Variants in HOXC13 observed in about 807,000 individuals in gnomAD.
The protein encoded by HOXC13 is homeobox protein Hox-C13.
HOXC13 carries 10 observed loss-of-function variants against 25.9 expected under a neutral mutation model. The observed-to-expected ratio is 0.39, with a 90% CI of 0.24 to 0.65. HOXC13 has a LOEUF of 0.65. HOXC13 is among the 30% of genes least tolerant of loss of function. The pLI, the probability that HOXC13 is intolerant of heterozygous loss-of-function variation, is 0.50. For missense variants in HOXC13, 439 were observed against 478.3 expected (o/e 0.92, Z 0.77); for synonymous variants, 233 against 217.1 (o/e 1.07, Z -0.64).
intron 1 of HOXC13, among the ~76,000 whole-genome samples, chr12:53,943,478 AT>A (rs762894707): frequency 6.6e-6 from 1 of 152,206 alleles, no homozygotes; most frequent in African/African-American, 2.4e-5. Context: ...TGTTTTTTAG[AT>A]TTTTTTAAAT....
Position 53,938,937 on chromosome 12 carries a change from T to G in HOXC13, c.31T>G (p.Trp11Gly). 6.4e-7 allele frequency: 1 copy of G among 1,559,542 alleles called. No individual in the cohort carries two copies. The highest frequency in any genetic ancestry group is 8.6e-7 in the Non-Finnish European group (1 of 1,159,884). MTTSLLLHPR[W>G]PESLMYVYED... ...GACTTCGCTGCTCCTGCATCCACGC[T>G]GGCCGGAGAGCCTTATGTACGTCTA... The change falls in exon 1 of 2, where the codon TGG becomes GGG. Residue 11 changes from tryptophan to glycine, a missense_variant. Transcript: ENST00000243056.
chr12:53,941,484 G>A (rs1561987), intron 1 of HOXC13, among the ~76,000 whole-genome samples: 87,624 of 152,118 alleles, frequency 0.58, 28,212 homozygotes, highest in East Asian at 0.8. Flanking sequence ...GTATGAATGT[G>A]GTGTGGAGTA....
chr12:53,943,548 A>G lies in HOXC13; in HGVS notation c.737-1452A>G, dbSNP rs535183054. 5.9e-5 allele frequency among the ~76,000 whole-genome samples: 9 copies of G among 152,164 alleles called. No individual in the cohort carries two copies. In the South Asian group the frequency reaches 1.7e-3, roughly 28 times the overall value. ...CCAGGTCCAACAGTTTTCCTGAGAA[A>G]TTGTCACCAGAAGACAGTCAAATGA... On this transcript the variant is annotated intron_variant, in intron 1 of 1. Transcript: ENST00000243056.
At chr12:53,944,513 A>G (rs1345433052) in intron 1 of HOXC13, among the ~76,000 whole-genome samples, 1 of 152,136 alleles carries the variant, frequency 6.6e-6, no homozygotes, top group East Asian at 1.9e-4. Context: ...AAGCGATCTA[A>G]CTGCAGGAAG....
intron 1 of HOXC13, among the ~76,000 whole-genome samples, chr12:53,944,383 AGACTCATCT>A (rs1483543282): frequency 6.6e-6 from 1 of 152,176 alleles, no homozygotes; most frequent in African/African-American, 2.4e-5. Context: ...AAAGGCGTGA[AGACTCATCT>A]GGTGGTCTGG....
chr12:53,943,452 TTAAA>T (rs1361200958), intron 1 of HOXC13, among the ~76,000 whole-genome samples: 1 of 152,256 alleles, frequency 6.6e-6, no homozygotes, highest in Admixed American at 6.5e-5. Flanking sequence ...TCCATACTGT[TTAAA>T]TAAAGTTATT....
intron 1 of HOXC13, among the ~76,000 whole-genome samples, chr12:53,941,861 A>G (rs1238650819): frequency 6.6e-6 from 1 of 152,214 alleles, no homozygotes; most frequent in African/African-American, 2.4e-5. Flanking sequence ...CCATCTTTCT[A>G]CCCACTCAGA....
chr12:53,939,625 G>A lies in HOXC13; in HGVS notation c.719G>A (p.Trp240Ter). ...GAGCAGTCGCAGTCCGCCCACCTCT[G>A]GAAGTCTCCCTTCCCAGGTAAGGAA... is the stretch of plus-strand genomic sequence containing the variant. The part of the protein sequence containing the change: ...SKEQSQSAHL[W>*]KSPFPDVVPL... Residue 240 changes from tryptophan (W) to a stop codon, truncating the protein, a stop_gained, in exon 1 of 2, where the codon TGG (tryptophan) becomes TAG (stop). Coordinates refer to ENST00000243056, the MANE Select transcript of HOXC13 (RefSeq NM_017410.3). LOFTEE classifies it high-confidence loss of function. This position sits in a 1 kb window ranked among gnomAD's most constrained non-coding sequence, Gnocchi z 6.7. 6.6e-7 allele frequency: 1 copy of A among 1,512,948 alleles called. No individual in the cohort carries two copies. Among genetic ancestry groups the A allele is most frequent in the Non-Finnish European group, 8.9e-7 (1 of 1,125,564 alleles). The allele number at this position is 1,512,948 out of a possible 1,614,324, so 93.7% of individuals were successfully genotyped here. A position where few individuals can be genotyped will look rare whatever the true frequency, so the allele number is the denominator to read the frequency against.
In HOXC13 at chr12:53,942,154, C is replaced by CTTT. The variant is rs56678098; in HGVS notation, c.736+2547_736+2549dup. ...TTTTTCTCCCTACGGTGAGTGTAGA[C>CTTT]TTTTTTTTTTTTTTTTTTTTTTTTT... On this transcript the variant is annotated intron_variant, in intron 1 of 1. Coordinates refer to ENST00000243056, the MANE Select transcript of HOXC13 (RefSeq NM_017410.3). Among the ~76,000 whole-genome samples, 6 of 39,312 alleles carry CTTT rather than the reference C, an allele frequency of 1.5e-4. 2 individuals carry two copies. The highest frequency in any genetic ancestry group is 5.9e-4 in the African/African-American group (5 of 8,542). The allele number at this position is 39,312 out of a possible 152,430, so 25.8% of individuals were successfully genotyped here.
Position 53,945,678 on chromosome 12 carries a change from A to G in HOXC13, c.*422A>G, listed in dbSNP as rs569128910. On this transcript the variant is annotated 3_prime_UTR_variant, in exon 2 of 2. Transcript: ENST00000243056. This position sits in a 1 kb window ranked among gnomAD's most constrained non-coding sequence, Gnocchi z 4.4. ...ACCAGGCTTTTAGAGGACCTTCCCT[A>G]AGGGCGCAGCTTCGGAGCAGGATCT... 35 of 290,954 alleles carry G rather than the reference A, an allele frequency of 1.2e-4. No individual in the cohort carries two copies. In the South Asian group the frequency reaches 3.1e-3, roughly 26 times the overall value. 18.0% of individuals were successfully genotyped at this position (290,954 alleles called of 1,614,324 possible).
intron 1 of HOXC13, among the ~76,000 whole-genome samples, chr12:53,944,050 T>C (rs1446812229): frequency 6.6e-6 from 1 of 152,130 alleles, no homozygotes; most frequent in African/African-American, 2.4e-5. Context: ...ACTGGTAATA[T>C]TGGTTTGGAT....
Position 53,945,379 on chromosome 12 carries a change from C to A in HOXC13, c.*123C>A. ...TGTTAAGGAAAGAGAAGAACCGCGC[C>A]GCCCGGAGGCAGAGAGGCTCCATGG... On this transcript the variant is annotated 3_prime_UTR_variant, in exon 2 of 2. Coordinates refer to ENST00000243056, the MANE Select transcript of HOXC13 (RefSeq NM_017410.3). This position sits in a 1 kb window ranked among gnomAD's most constrained non-coding sequence, Gnocchi z 4.4. The A allele has an allele frequency of 8.3e-7, 1 of 1,202,738 alleles. No homozygotes were observed. 74.5% of individuals were successfully genotyped at this position (1,202,738 alleles called of 1,614,324 possible).
rs56678098 is a variant in HOXC13 at position 53,942,154 on chromosome 12, C to CTTTTTTTTTTT, written c.736+2539_736+2549dup. Among the ~76,000 whole-genome samples the CTTTTTTTTTTT allele has an allele frequency of 1.0e-4, 4 of 39,338 alleles. 1 individual carries two copies. Among genetic ancestry groups the CTTTTTTTTTTT allele is most frequent in the African/African-American group, 2.3e-4 (2 of 8,560 alleles). The allele number at this position is 39,338 out of a possible 152,430, so 25.8% of individuals were successfully genotyped here. A position where few individuals can be genotyped will look rare whatever the true frequency, so the allele number is the denominator to read the frequency against. ...TTTTTCTCCCTACGGTGAGTGTAGA[C>CTTTTTTTTTTT]TTTTTTTTTTTTTTTTTTTTTTTTT... On this transcript the variant is annotated intron_variant, in intron 1 of 1. Transcript: ENST00000243056.
At chr12:53,940,696 C>T (rs1938596720) in intron 1 of HOXC13, among the ~76,000 whole-genome samples, 1 of 152,148 alleles carries the variant, frequency 6.6e-6, no homozygotes, top group South Asian at 2.1e-4. Context: ...CTAGGGAGTC[C>T]AGCATTTGAG....
chr12:53,945,485 C>T lies in HOXC13; in HGVS notation c.*229C>T. Reference sequence around the variant, plus strand: ...CCAGATGGGACTCACGTGGCTTCAACAGCTTTGGAAATGGGTCCCGAGTGG... The same window carrying T: ...CCAGATGGGACTCACGTGGCTTCAATAGCTTTGGAAATGGGTCCCGAGTGG... On this transcript the variant is annotated 3_prime_UTR_variant, in exon 2 of 2. Coordinates refer to ENST00000243056, the MANE Select transcript of HOXC13 (RefSeq NM_017410.3). The surrounding 1 kb of genome is among the most constrained non-coding windows in gnomAD (Gnocchi z 4.4). The T allele has an allele frequency of 1.7e-6, 1 of 582,184 alleles. No individual in the cohort carries two copies. Among genetic ancestry groups the T allele is most frequent in the South Asian group, 2.1e-5 (1 of 47,502 alleles). 36.1% of individuals were successfully genotyped at this position (582,184 alleles called of 1,614,324 possible).
chr12:53,944,711 A>G (rs1187693161), intron 1 of HOXC13, among the ~76,000 whole-genome samples: 1 of 152,150 alleles, frequency 6.6e-6, no homozygotes, highest in Non-Finnish European at 1.5e-5. Context: ...TTTGTTCATC[A>G]TGGATGTTTT....
intron 1 of HOXC13, among the ~76,000 whole-genome samples, chr12:53,940,645 G>A (rs1233656151): frequency 6.6e-6 from 1 of 152,230 alleles, no homozygotes; most frequent in Non-Finnish European, 1.5e-5. Flanking sequence ...CACACCAAGA[G>A]CTTTGGATCC....
chr12:53,943,097 T>A (rs542210559), intron 1 of HOXC13, among the ~76,000 whole-genome samples: 1 of 152,376 alleles, frequency 6.6e-6, no homozygotes, highest in African/African-American at 2.4e-5. Flanking sequence ...CCTATTTCCA[T>A]TTTAAAACTT....
intron 1 of HOXC13, among the ~76,000 whole-genome samples, chr12:53,942,489 A>G (rs1258411425): frequency 6.6e-6 from 1 of 152,126 alleles, no homozygotes; most frequent in Non-Finnish European, 1.5e-5. Context: ...GCCATGGCTG[A>G]GCATTGAGAT....
Sources: gnomAD v4.1 joint callset for allele counts (sites outside exome capture counted in the v4.1 genomes callset) on GRCh38, gnomAD v4.1.1 for gene constraint, Gnocchi (gnomAD v3.1) non-coding constraint, MANE v1.5 for transcripts, NCBI Gene and HGNC (gene_info 2026-07-23, HGNC 2026-07-21) for gene names.